Variants in MERTK observed in about 807,000 individuals in gnomAD.
MERTK encodes MER proto-oncogene, tyrosine kinase, also known as tyrosine-protein kinase Mer.
Under a neutral mutation model 99.3 loss-of-function variants are expected in MERTK, and 69 were observed. That is an observed-to-expected ratio of 0.70 (90% CI 0.57 to 0.85). The LOEUF (loss-of-function observed/expected upper bound fraction) is 0.85. Ranked by LOEUF, MERTK falls within the 40% of genes least tolerant of loss-of-function variation. MERTK has a pLI of 0.00. For synonymous variants in MERTK, 426 were observed against 467.6 expected, an observed-to-expected ratio of 0.91 and a Z score of 1.15; for missense variants, 1,125 against 1,249.4, an observed-to-expected ratio of 0.90 and a Z score of 1.50.
intron 4 of MERTK, among the ~76,000 whole-genome samples, chr2:111,959,206 G>T (rs2104715898): frequency 6.6e-6 from 1 of 152,260 alleles, no homozygotes; most frequent in East Asian, 1.9e-4. Flanking sequence ...GTGAAACAGT[G>T]ATCAGCAGAG....
intron 9 of MERTK, chr2:111,996,287 G>A (rs1676736879): frequency 1.3e-5 from 2 of 154,126 alleles, no homozygotes; most frequent in African/African-American, 2.4e-5. Flanking sequence ...GCATAAACTC[G>A]GGCTGCTGGC....
intron 2 of MERTK, among the ~76,000 whole-genome samples, chr2:111,934,487 T>C (rs983969009): frequency 6.6e-6 from 1 of 152,244 alleles, no homozygotes; most frequent in African/African-American, 2.4e-5. Context: ...TGATGAGCTT[T>C]TTTTCATGTT....
chr2:111,931,249 C>A (rs1352984801), intron 2 of MERTK, among the ~76,000 whole-genome samples: 2 of 151,982 alleles, frequency 1.3e-5, no homozygotes, highest in African/African-American at 4.8e-5. Context: ...GTGGATAATC[C>A]CTTAGCCTCC....
intron 1 of MERTK, among the ~76,000 whole-genome samples, chr2:111,927,597 A>G (rs1242527652): frequency 6.6e-6 from 1 of 152,152 alleles, no homozygotes; most frequent in Non-Finnish European, 1.5e-5. Context: ...GCTTGAGCCT[A>G]GGAGATTGAA....
At chr2:112,003,276 T>C (rs926132798) in intron 12 of MERTK, 89 bp downstream of exon 12, 3 of 705,458 alleles carry the variant, frequency 4.3e-6, no homozygotes, top group African/African-American at 3.6e-5. Context: ...TTAAATAAAA[T>C]AGCATCTCAG....
Position 112,028,699 on chromosome 2 carries a change from C to T in MERTK, c.2835C>T (p.Pro945=), listed in dbSNP as rs768506814. The T allele has an allele frequency of 1.4e-5, 23 of 1,614,084 alleles. No individual in the cohort carries two copies. In the East Asian group the frequency reaches 2.4e-4, roughly 17 times the overall value. The change falls in exon 19 of 19, where the codon CCC becomes CCT. Residue 945 remains proline (P), a synonymous_variant. Coordinates refer to ENST00000295408, the MANE Select transcript of MERTK (RefSeq NM_006343.3). The part of the protein sequence containing the change: ...SEEWEDLTSA[P]SAAVTAEKNS... ...AATGGGAAGATCTGACTTCTGCCCCCTCTGCTGCAGTCACAGCTGAAAAGA... is the reference window on the plus strand; with the variant it reads ...AATGGGAAGATCTGACTTCTGCCCCTTCTGCTGCAGTCACAGCTGAAAAGA...
chr2:111,984,512 G>A (rs1436905780), intron 8 of MERTK, among the ~76,000 whole-genome samples: 2 of 152,182 alleles, frequency 1.3e-5, no homozygotes, highest in Non-Finnish European at 2.9e-5. Flanking sequence ...TGACTCACTT[G>A]AAGGTCTGGA....
rs10171598 is a variant in MERTK, at chr2:111,948,150, G to A, written c.757+583G>A. On this transcript the variant is annotated intron_variant, in intron 4 of 18. Coordinates refer to ENST00000295408, the MANE Select transcript of MERTK (RefSeq NM_006343.3). ...GGGCTCTTCTGTGGCTCCTCTCATT[G>A]CATCTTTCAGCAACATCAGGCAAGG... 5.9e-3 allele frequency among the ~76,000 whole-genome samples: 903 copies of A among 152,232 alleles called. 8 individuals are homozygous for A. The highest frequency in any genetic ancestry group is 0.021 in the African/African-American group (859 of 41,524).
At chr2:111,930,775 A>G (rs1684656056) in intron 2 of MERTK, among the ~76,000 whole-genome samples, 1 of 152,180 alleles carries the variant, frequency 6.6e-6, no homozygotes, top group African/African-American at 2.4e-5. Context: ...CCCAGCTGTC[A>G]TGTCTCAGAA....
At chr2:111,932,611 T>C (rs1684694031) in intron 2 of MERTK, among the ~76,000 whole-genome samples, 1 of 152,202 alleles carries the variant, frequency 6.6e-6, no homozygotes, top group Non-Finnish European at 1.5e-5. Context: ...AAATAAATTA[T>C]AGTTGTAAGA....
intron 1 of MERTK, among the ~76,000 whole-genome samples, chr2:111,925,292 A>ATTTT (rs11433691): frequency 0.098 from 2,405 of 24,522 alleles, 657 homozygotes; most frequent in Non-Finnish European, 0.14. Context: ...ATATATATAT[A>ATTTT]TTTTTTTTTT....
intron 7 of MERTK, among the ~76,000 whole-genome samples, chr2:111,977,372 A>C (rs1341429745): frequency 6.6e-6 from 1 of 152,188 alleles, no homozygotes; most frequent in Non-Finnish European, 1.5e-5. Flanking sequence ...CTTTCAGTAC[A>C]TTAAAAGAAG....
chr2:111,909,665 G>A (rs745778104), intron 1 of MERTK, among the ~76,000 whole-genome samples: 2 of 152,156 alleles, frequency 1.3e-5, no homozygotes, highest in African/African-American at 2.4e-5. Flanking sequence ...ACACTTCCAT[G>A]TAGACATATA....
At chr2:111,997,259 C>G in intron 9 of MERTK, 64 bp from the exon 10 acceptor site, 1 of 1,546,772 alleles carries the variant, frequency 6.5e-7, no homozygotes, top group East Asian at 2.2e-5. Flanking sequence ...TTGTTCTTCC[C>G]TGTTACAAGC....
At chr2:112,003,659 T>G (rs1023180563) in intron 12 of MERTK, among the ~76,000 whole-genome samples, 4 of 152,198 alleles carry the variant, frequency 2.6e-5, no homozygotes, top group Non-Finnish European at 5.9e-5. Context: ...TTGGATTGGT[T>G]ATAATGCTTA....
At chr2:111,957,704 T>C (rs1362404516) in intron 4 of MERTK, among the ~76,000 whole-genome samples, 1 of 152,162 alleles carries the variant, frequency 6.6e-6, no homozygotes, top group Non-Finnish European at 1.5e-5. Context: ...TTGTAGTACA[T>C]ACTCAGTAAA....
chr2:111,968,324 C>CATGCCCATCCTTGG, intron 6 of MERTK, 72 bp downstream of exon 6: 1 of 1,227,940 alleles, frequency 8.1e-7, no homozygotes. Context: ...TTCTTCCTTC[C>CATGCCCATCCTTGG]AAGGATGGGC....
chr2:111,907,036 A>G (rs759203366), intron 1 of MERTK, among the ~76,000 whole-genome samples: 1 of 151,920 alleles, frequency 6.6e-6, no homozygotes, highest in Non-Finnish European at 1.5e-5. Context: ...TTTGACCCTC[A>G]GCCCTGTGCG....
At chr2:111,914,131 A>T (rs1573566085) in intron 1 of MERTK, among the ~76,000 whole-genome samples, 2 of 97,660 alleles carry the variant, frequency 2.0e-5, no homozygotes, top group Admixed American at 1.5e-4. Flanking sequence ...TTTGAGATGG[A>T]GTCTCCTCTG....
Sources: gnomAD v4.1 joint callset for allele counts (sites outside exome capture counted in the v4.1 genomes callset) on GRCh38, gnomAD v4.1.1 for gene constraint, MANE v1.5 for transcripts, NCBI Gene and HGNC (gene_info 2026-07-23, HGNC 2026-07-21) for gene names.